Variants in KLF12 observed in about 807,000 individuals in gnomAD.
KLF12 encodes the protein KLF transcription factor 12.
Under a neutral mutation model 37.8 loss-of-function variants are expected in KLF12, and 9 were observed. The observed-to-expected ratio is 0.24, with a 90% CI of 0.14 to 0.42. KLF12 has a LOEUF of 0.42. Among genes scored for constraint, KLF12 ranks in the 10% least tolerant of loss-of-function variants. The probability of loss-of-function intolerance (pLI) is 1.00; values close to 1 mark genes in which losing one functional copy is unlikely to be tolerated. For synonymous variants in KLF12, 208 were observed against 202.1 expected (o/e 1.03, Z -0.25); for missense variants, 411 against 516.0 (o/e 0.80, Z 1.97).
At chr13:73,712,496 G>A (rs1320373681) in intron 7 of KLF12, among the ~76,000 whole-genome samples, 1 of 152,158 alleles carries the variant, frequency 6.6e-6, no homozygotes, top group Non-Finnish European at 1.5e-5. Flanking sequence ...TGAAGATGCT[G>A]TCAACACTGT....
intron 5 of KLF12, among the ~76,000 whole-genome samples, chr13:73,799,582 GATA>G (rs1478511303): frequency 6.6e-6 from 1 of 151,894 alleles, no homozygotes; most frequent in African/African-American, 2.4e-5. Flanking sequence ...ACTTAACTTG[GATA>G]ATAAGTCTCA....
At chr13:73,789,614 T>C (rs1881543984) in intron 5 of KLF12, among the ~76,000 whole-genome samples, 1 of 151,860 alleles carries the variant, frequency 6.6e-6, no homozygotes, top group Admixed American at 6.6e-5. Flanking sequence ...GTAATGGAAA[T>C]AAAAGTTTCC....
At chr13:73,832,343 A>G (rs1884206611) in intron 4 of KLF12, among the ~76,000 whole-genome samples, 1 of 152,146 alleles carries the variant, frequency 6.6e-6, no homozygotes, top group Admixed American at 6.5e-5. Flanking sequence ...TTATAATGTA[A>G]GACTTCCTCC....
chr13:73,875,380 G>A (rs1594200272), intron 3 of KLF12, among the ~76,000 whole-genome samples: 1 of 152,024 alleles, frequency 6.6e-6, no homozygotes, highest in Non-Finnish European at 1.5e-5. Context: ...ACTGACTCAT[G>A]GGTAACTTAG....
At chr13:73,696,546 G>A (rs954366734) in intron 7 of KLF12, among the ~76,000 whole-genome samples, 13 of 152,146 alleles carry the variant, frequency 8.5e-5, no homozygotes, top group African/African-American at 3.1e-4. Context: ...AGAATGGGAG[G>A]CTTGTCCCCA....
chr13:74,054,634 G>A lies in KLF12; in HGVS notation c.-31-59581C>T, dbSNP rs56850261. Among the ~76,000 whole-genome samples, 1,286 of 152,204 alleles carry A rather than the reference G, an allele frequency of 8.4e-3. 17 individuals carry two copies. Among genetic ancestry groups the A allele is most frequent in the East Asian group, 0.057 (297 of 5,176 alleles). Reference sequence around the variant, plus strand: ...ATAAGCTTCTAAGATCAGAATCCAGGGCCATTCTCACAACTGTGCTGCCTC... The same window carrying A: ...ATAAGCTTCTAAGATCAGAATCCAGAGCCATTCTCACAACTGTGCTGCCTC... On this transcript the variant is annotated intron_variant, in intron 1 of 7. Coordinates refer to ENST00000377669, the MANE Select transcript of KLF12 (RefSeq NM_007249.5).
chr13:73,847,284 G>A (rs911885239), intron 3 of KLF12, among the ~76,000 whole-genome samples: 9 of 152,018 alleles, frequency 5.9e-5, no homozygotes, highest in Non-Finnish European at 8.8e-5. Context: ...GATTATTTTG[G>A]TTACATCTGT....
the KLF12 span, among the ~76,000 whole-genome samples, chr13:74,246,522 T>C: frequency 6.6e-6 from 1 of 152,238 alleles, no homozygotes; most frequent in Admixed American, 6.5e-5. Flanking sequence ...GGAACCACTC[T>C]GTGCTTCTGA....
intron 5 of KLF12, among the ~76,000 whole-genome samples, chr13:73,789,921 C>T (rs1284827606): frequency 2.6e-5 from 4 of 152,112 alleles, no homozygotes; most frequent in Non-Finnish European, 5.9e-5. Flanking sequence ...TGTGATCCGC[C>T]CACCTCGGCC....
intron 3 of KLF12, among the ~76,000 whole-genome samples, chr13:73,927,863 C>CT (rs61339045): frequency 2.6e-4 from 35 of 133,840 alleles, no homozygotes; most frequent in Admixed American, 7.5e-4. Context: ...GCTGGGATCT[C>CT]TTTTTTTTTT....
intron 1 of KLF12, among the ~76,000 whole-genome samples, chr13:74,123,197 CATAAA>C (rs200396879): frequency 0.011 from 1,718 of 151,898 alleles, 30 homozygotes; most frequent in African/African-American, 0.039. Context: ...TGGTTGGAAA[CATAAA>C]ATGAAATGCG....
At chr13:74,001,915 T>C (rs1892290355) in intron 1 of KLF12, among the ~76,000 whole-genome samples, 1 of 152,234 alleles carries the variant, frequency 6.6e-6, no homozygotes, top group Admixed American at 6.5e-5. Flanking sequence ...ACAAAGTATT[T>C]TAGGAAACTT....
intron 3 of KLF12, among the ~76,000 whole-genome samples, chr13:73,885,674 A>G (rs1014431651): frequency 6.6e-6 from 1 of 152,256 alleles, no homozygotes. Flanking sequence ...GGAACAGAGA[A>G]AAGCAAGGAC....
intron 1 of KLF12, among the ~76,000 whole-genome samples, chr13:74,006,846 T>C (rs76391723): frequency 0.018 from 2,692 of 152,312 alleles, 57 homozygotes; most frequent in African/African-American, 0.057. Flanking sequence ...AGGTCCTCAT[T>C]TAACAAGTCT....
At chr13:74,078,304 T>C (rs1874684364) in intron 1 of KLF12, among the ~76,000 whole-genome samples, 1 of 152,208 alleles carries the variant, frequency 6.6e-6, no homozygotes, top group Non-Finnish European at 1.5e-5. Context: ...CTCTGCAAAT[T>C]ACTTGATCCC....
chr13:74,297,457 C>T, the KLF12 span, among the ~76,000 whole-genome samples: 3 of 152,324 alleles, frequency 2.0e-5, no homozygotes, highest in Middle Eastern at 3.4e-3. Context: ...TTGCTTTGTT[C>T]AGGAAGTATC....
At chr13:74,023,613 T>C (rs1429227238) in intron 1 of KLF12, among the ~76,000 whole-genome samples, 1 of 152,198 alleles carries the variant, frequency 6.6e-6, no homozygotes, top group Non-Finnish European at 1.5e-5. Flanking sequence ...CTCTGTGACA[T>C]GGTGCTCTCC....
At chr13:74,032,390 G>A (rs1467243369) in intron 1 of KLF12, among the ~76,000 whole-genome samples, 2 of 152,100 alleles carry the variant, frequency 1.3e-5, no homozygotes, top group Non-Finnish European at 2.9e-5. Context: ...GCTCTCCATA[G>A]TCTGGTCTCA....
At chr13:74,110,950 C>T (rs1218510627) in intron 1 of KLF12, among the ~76,000 whole-genome samples, 3 of 151,898 alleles carry the variant, frequency 2.0e-5, no homozygotes, top group East Asian at 1.9e-4. Flanking sequence ...GTCAGGAGTA[C>T]GAGACCAGCC....
Sources: allele counts gnomAD v4.1 joint callset (sites outside exome capture counted in the v4.1 genomes callset), GRCh38; gene constraint gnomAD v4.1.1; transcripts MANE v1.5; gene names NCBI Gene and HGNC (gene_info 2026-07-23, HGNC 2026-07-21).